Variants in TBC1D2B observed in about 807,000 individuals in gnomAD.
The protein encoded by TBC1D2B is TBC1 domain family member 2B.
A neutral mutation model predicts 100.8 loss-of-function variants in TBC1D2B; 64 were observed. The observed-to-expected ratio is 0.64, with a 90% CI of 0.52 to 0.78. The LOEUF (loss-of-function observed/expected upper bound fraction) is 0.78, where lower values mean the gene tolerates loss of function less well. Among genes scored for constraint, TBC1D2B ranks in the 30% least tolerant of loss-of-function variants. The pLI is 0.00. For missense variants in TBC1D2B, 1,052 were observed against 1,218.4 expected (o/e 0.86, Z 2.03); for synonymous variants, 480 against 479.7 (o/e 1.00, Z -0.01).
chr15:78,062,699 A>G, intron 1 of TBC1D2B, among the ~76,000 whole-genome samples: 1 of 152,152 alleles, frequency 6.6e-6, no homozygotes, highest in East Asian at 1.9e-4. Context: ...TAGAAAACCA[A>G]TTTTCTTTAT....
chr15:78,016,713 G>A lies in TBC1D2B; in HGVS notation c.1608C>T (p.Cys536=). 6.4e-7 allele frequency: 1 copy of A among 1,569,232 alleles called. No homozygotes were observed. The highest frequency in any genetic ancestry group is 2.3e-5 in the East Asian group (1 of 44,262). The change falls in exon 8 of 13, where the codon TGC becomes TGT. Residue 536 remains cysteine (C), a synonymous_variant. Coordinates refer to ENST00000300584, the MANE Select transcript of TBC1D2B (RefSeq NM_144572.2). ...ATATCAGGTATTTACTTTCTATCTG[G>A]CAGAGCTTGGCTTCCAGGCTAGAAT... is the stretch of plus-strand genomic sequence containing the variant. ...AKYSSLEAKL[C]QIESKYLILL...
chr15:78,009,068 A>G lies in TBC1D2B; in HGVS notation c.2317T>C (p.Trp773Arg), dbSNP rs755638714. Residue 773 changes from tryptophan to arginine, a missense_variant, in exon 10 of 13, where the codon TGG (tryptophan) becomes CGG (arginine). Physicochemically the swap from Trp to Arg is moderately radical, Grantham distance 101 (BLOSUM62 -3). Coordinates refer to ENST00000300584, the MANE Select transcript of TBC1D2B (RefSeq NM_144572.2). Reference sequence around the variant, plus strand: ...ACTTCCACTATGGTAACGAGACACCAGAAAGCATCTTCTTGTTCCAGGTAC... The same window carrying G: ...ACTTCCACTATGGTAACGAGACACCGGAAAGCATCTTCTTGTTCCAGGTAC... The part of the protein sequence containing the change: ...LLYLEQEDAF[W>R]CLVTIVEVFM... 1 of 1,608,964 alleles carries G rather than the reference A, an allele frequency of 6.2e-7. No individual in the cohort carries two copies. Among genetic ancestry groups the G allele is most frequent in the Non-Finnish European group, 8.5e-7 (1 of 1,177,512 alleles).
At chr15:78,054,662 C>G (rs2073383666) in intron 1 of TBC1D2B, among the ~76,000 whole-genome samples, 1 of 152,166 alleles carries the variant, frequency 6.6e-6, no homozygotes, top group Admixed American at 6.5e-5. Flanking sequence ...ATTAAAATGG[C>G]TAATATTTCA....
chr15:78,030,822 C>T (rs2072789854), intron 3 of TBC1D2B, among the ~76,000 whole-genome samples: 1 of 152,174 alleles, frequency 6.6e-6, no homozygotes, highest in Non-Finnish European at 1.5e-5. Flanking sequence ...AAAGGTACAA[C>T]AACCTAAACA....
In TBC1D2B at chr15:78,027,041, A is replaced by T. The variant is rs560564999; in HGVS notation, c.848-1544T>A. ...CAAGGCCAGCCTAGGCAACACAGAT[A>T]CTCCATCACTAAAAAAGAAAAAAAA... is the stretch of plus-strand genomic sequence containing the variant. On this transcript the variant is annotated intron_variant, in intron 4 of 12. Transcript: ENST00000300584. Among the ~76,000 whole-genome samples, 27 of 152,078 alleles carry T rather than the reference A, an allele frequency of 1.8e-4. 1 individual carries two copies. The South Asian group carries it at 5.4e-3, about 31-fold the overall frequency.
Position 78,016,896 on chromosome 15 carries a change from C to A in TBC1D2B, c.1582-157G>T, listed in dbSNP as rs1027435769. ...ACAAGAAATTAATTTATGCCACAGA[C>A]CACCTTTCATGTTTAAAATGGCCTG... On this transcript the variant is annotated intron_variant, in intron 7 of 12. Transcript: ENST00000300584. 15 of 606,204 alleles carry A rather than the reference C, an allele frequency of 2.5e-5. No homozygotes were observed. In the African/African-American group the frequency reaches 2.9e-4, roughly 12 times the overall value. The allele number at this position is 606,204 out of a possible 1,614,324, so 37.6% of individuals were successfully genotyped here.
intron 1 of TBC1D2B, among the ~76,000 whole-genome samples, chr15:78,055,535 G>A (rs552518557): frequency 5.9e-5 from 9 of 152,326 alleles, no homozygotes; most frequent in Admixed American, 5.9e-4. Context: ...CAGAGGCAGT[G>A]AAGAAAATGG....
intron 10 of TBC1D2B, among the ~76,000 whole-genome samples, chr15:78,007,709 T>A (rs754852531): frequency 6.6e-6 from 1 of 152,142 alleles, no homozygotes; most frequent in Non-Finnish European, 1.5e-5. Flanking sequence ...GCCAAACAGC[T>A]GACAGTGAGG....
chr15:78,003,601 C>T (rs1459087756), intron 10 of TBC1D2B, 111 bp from the exon 11 acceptor site: 4 of 744,016 alleles, frequency 5.4e-6, no homozygotes, highest in African/African-American at 3.5e-5. Context: ...GTGACAGCAG[C>T]ACAACTGTTC....
chr15:78,042,335 C>G (rs1370896855), intron 3 of TBC1D2B, among the ~76,000 whole-genome samples: 1 of 152,140 alleles, frequency 6.6e-6, no homozygotes, highest in Non-Finnish European at 1.5e-5. Context: ...CAAATGTGTT[C>G]TTATGATGAA....
At chr15:78,030,561 C>T (rs966140299) in intron 3 of TBC1D2B, among the ~76,000 whole-genome samples, 1 of 152,028 alleles carries the variant, frequency 6.6e-6, no homozygotes, top group African/African-American at 2.4e-5. Flanking sequence ...CTGCCCACCT[C>T]GGCCTCCCAA....
intron 2 of TBC1D2B, among the ~76,000 whole-genome samples, chr15:78,048,998 G>A (rs927719494): frequency 6.6e-6 from 1 of 152,246 alleles, no homozygotes; most frequent in Admixed American, 6.5e-5. Context: ...GCAAACGAAA[G>A]TCTGGGTGTC....
At chr15:78,032,679 G>T (rs959998567) in intron 3 of TBC1D2B, among the ~76,000 whole-genome samples, 4 of 150,250 alleles carry the variant, frequency 2.7e-5, no homozygotes, top group African/African-American at 9.8e-5. Flanking sequence ...AAAAAAAAAA[G>T]ATTTAAATAA....
intron 2 of TBC1D2B, 103 bp downstream of exon 2, chr15:78,053,931 T>A: frequency 7.9e-7 from 1 of 1,270,704 alleles, no homozygotes; most frequent in Non-Finnish European, 1.1e-6. Context: ...AGCATCATTA[T>A]TATTTTCTTT....
chr15:78,066,159 C>A, intron 1 of TBC1D2B: 1 of 448,898 alleles, frequency 2.2e-6, no homozygotes. Context: ...GGTCTGCCAG[C>A]CACCATGATC....
At chr15:78,066,968 A>T (rs2073668336) in intron 1 of TBC1D2B, among the ~76,000 whole-genome samples, 2 of 152,222 alleles carry the variant, frequency 1.3e-5, no homozygotes, top group Non-Finnish European at 2.9e-5. Flanking sequence ...ATGTGACTAA[A>T]CTTCTTAAAT....
chr15:78,069,556 G>A (rs548436396), intron 1 of TBC1D2B, among the ~76,000 whole-genome samples: 3 of 152,286 alleles, frequency 2.0e-5, no homozygotes, highest in East Asian at 1.9e-4. Flanking sequence ...CAGTCCAAAC[G>A]TGTGTCCCCG....
chr15:78,011,113 CTTT>C (rs942435269), intron 9 of TBC1D2B, among the ~76,000 whole-genome samples: 9 of 152,268 alleles, frequency 5.9e-5, no homozygotes, highest in African/African-American at 1.9e-4. Context: ...TACTTACAGG[CTTT>C]TTAAAAGTGG....
At chr15:78,014,244 T>C (rs1001897178) in intron 8 of TBC1D2B, among the ~76,000 whole-genome samples, 2 of 152,234 alleles carry the variant, frequency 1.3e-5, no homozygotes, top group African/African-American at 4.8e-5. Flanking sequence ...TACAGAACTA[T>C]TAAGTGACAA....
Sources: gnomAD v4.1 joint callset for allele counts (sites outside exome capture counted in the v4.1 genomes callset) on GRCh38, gnomAD v4.1.1 for gene constraint, MANE v1.5 for transcripts, NCBI Gene and HGNC (gene_info 2026-07-23, HGNC 2026-07-21) for gene names.